Variants in EIF4B observed in about 807,000 individuals in gnomAD.
EIF4B encodes the protein eukaryotic translation initiation factor 4B.
A neutral mutation model predicts 79.3 loss-of-function variants in EIF4B; 8 were observed. The observed-to-expected ratio is 0.10, with a 90% CI of 0.06 to 0.18. The LOEUF (loss-of-function observed/expected upper bound fraction) is 0.18, where lower values mean the gene tolerates loss of function less well. Ranked by LOEUF, EIF4B falls within the 10% of genes least tolerant of loss-of-function variation. The probability of loss-of-function intolerance (pLI) is 1.00; values close to 1 mark genes in which losing one functional copy is unlikely to be tolerated. For missense variants in EIF4B, 515 were observed against 792.4 expected, an observed-to-expected ratio of 0.65 and a Z score of 4.20; for synonymous variants, 238 against 274.7, an observed-to-expected ratio of 0.87 and a Z score of 1.32.
chr12:53,017,114 G>T (rs890097666), intron 2 of EIF4B, among the ~76,000 whole-genome samples: 2 of 152,086 alleles, frequency 1.3e-5, no homozygotes, highest in African/African-American at 2.4e-5. Context: ...TTAGCTGGGC[G>T]TGGTGGCATG....
intron 2 of EIF4B, among the ~76,000 whole-genome samples, chr12:53,017,540 C>G (rs1328569267): frequency 1.3e-5 from 2 of 151,964 alleles, no homozygotes; most frequent in African/African-American, 4.8e-5. Context: ...TCCTGAAAAT[C>G]GTTTATTGCA....
rs1243404581 is a variant in EIF4B, at chr12:53,041,831, C to T, written c.*1608C>T. 1 of 94,362 alleles carries T rather than the reference C, an allele frequency of 1.1e-5. No homozygotes were observed. The highest frequency in any genetic ancestry group is 3.7e-5 in the Non-Finnish European group (1 of 27,170). The allele number at this position is 94,362 out of a possible 1,614,324, so 5.8% of individuals were successfully genotyped here. ...ATTTAAATAATTGGTGTGGATTGGC[C>T]AGTAGCTAAGAAGTGGGCTTTTAAA... On this transcript the variant is annotated 3_prime_UTR_variant, in exon 15 of 15. Transcript: ENST00000262056.
chr12:53,007,192 T>G (rs1015611093), intron 1 of EIF4B, among the ~76,000 whole-genome samples: 18 of 152,128 alleles, frequency 1.2e-4, no homozygotes, highest in African/African-American at 4.3e-4. Flanking sequence ...GTGTGTGTGT[T>G]AGCCTTGGAG....
intron 3 of EIF4B, among the ~76,000 whole-genome samples, chr12:53,019,450 CTTTT>C (rs71095966): frequency 3.0e-5 from 2 of 65,998 alleles, no homozygotes; most frequent in Admixed American, 2.1e-4. Context: ...TTTTTTTTTT[CTTTT>C]TTTTTTTTTT....
intron 8 of EIF4B, among the ~76,000 whole-genome samples, chr12:53,032,782 C>G (rs4919720): frequency 6.6e-6 from 1 of 150,742 alleles, no homozygotes; most frequent in Non-Finnish European, 1.5e-5. Context: ...AGCGATTCTC[C>G]TGCCTCAGTC....
chr12:53,040,090 TTGATG>T (rs1400040217), intron 14 of EIF4B, 48 bp from the exon 15 acceptor site: 1 of 1,601,598 alleles, frequency 6.2e-7, no homozygotes, highest in Admixed American at 1.7e-5. Context: ...GTCTTGGGTT[TTGATG>T]TGATAATTCA....
rs368180710 is a variant in EIF4B, at chr12:53,028,834, G to A, written c.979+646G>A. Among the ~76,000 whole-genome samples, 22 of 152,146 alleles carry A rather than the reference G, an allele frequency of 1.4e-4. 1 individual carries two copies. The highest frequency in any genetic ancestry group is 7.7e-4 in the East Asian group (4 of 5,164). ...TAATTGGTACTATGGGGTTAAAAAC[G>A]AAGCATTAAGGCCAGGTGCAGTGGC... On this transcript the variant is annotated intron_variant, in intron 8 of 14. Coordinates refer to ENST00000262056, the MANE Select transcript of EIF4B (RefSeq NM_001417.7).
At position 53,016,444 on chromosome 12, in the gene EIF4B, A is replaced by G. The variant is rs755745966; in HGVS notation, c.14-29A>G. The G allele has an allele frequency of 9.3e-6, 15 of 1,611,640 alleles. No homozygotes were observed. In the Admixed American group the frequency reaches 2.3e-4, roughly 25 times the overall value. ...CTCTGTAAATACCTGAGTATTGGTG[A>G]ATAATCTTTCTCTTGCCTTTTAAAA... is the stretch of plus-strand genomic sequence containing the variant. On this transcript the variant is annotated intron_variant, in intron 1 of 14. Coordinates refer to ENST00000262056, the MANE Select transcript of EIF4B (RefSeq NM_001417.7).
At chr12:53,008,225 A>G (rs753261638) in intron 1 of EIF4B, among the ~76,000 whole-genome samples, 2 of 152,230 alleles carry the variant, frequency 1.3e-5, no homozygotes, top group Non-Finnish European at 2.9e-5. Context: ...TAGGACAGCA[A>G]TTCATGTCCT....
chr12:53,031,717 T>A (rs1943449822), intron 8 of EIF4B, among the ~76,000 whole-genome samples: 1 of 152,162 alleles, frequency 6.6e-6, no homozygotes. Context: ...TCGTAGAAAA[T>A]TTAGATCTTG....
In EIF4B at chr12:53,027,765, T is replaced by A. The variant is rs747504898; in HGVS notation, c.668-17T>A. 3 of 1,608,796 alleles carry A rather than the reference T, an allele frequency of 1.9e-6. No individual in the cohort carries two copies. The highest frequency in any genetic ancestry group is 2.5e-6 in the Non-Finnish European group (3 of 1,176,798). On this transcript the variant is annotated splice_polypyrimidine_tract_variant and intron_variant, in intron 6 of 14. Coordinates refer to ENST00000262056, the MANE Select transcript of EIF4B (RefSeq NM_001417.7). ...GTCAGAGAAAAGGGGATGGTGTTACTTGTCTGTTTCCTCTAGAGTATCGAG... is the reference window on the plus strand; with the variant it reads ...GTCAGAGAAAAGGGGATGGTGTTACATGTCTGTTTCCTCTAGAGTATCGAG...
chr12:53,034,170 G>A (rs1943496454), intron 9 of EIF4B, 136 bp downstream of exon 9: 3 of 839,506 alleles, frequency 3.6e-6, no homozygotes, highest in African/African-American at 1.7e-5. Flanking sequence ...AGTGGGCTGT[G>A]GCCAGGGGTG....
chr12:53,009,380 G>A (rs557744718), intron 1 of EIF4B, among the ~76,000 whole-genome samples: 5 of 151,644 alleles, frequency 3.3e-5, no homozygotes, highest in African/African-American at 9.7e-5. Context: ...AAAAATTAGC[G>A]GGGTTTTGGG....
At chr12:53,038,091 A>G (rs1172570609) in intron 11 of EIF4B, 5 of 282,864 alleles carry the variant, frequency 1.8e-5, no homozygotes, top group Non-Finnish European at 2.7e-5. Context: ...ATTGCACTCC[A>G]GCCTGGGCGA....
At chr12:53,019,438 T>TA (rs199930510) in intron 3 of EIF4B, among the ~76,000 whole-genome samples, 2,299 of 22,538 alleles carry the variant, frequency 0.1, 44 homozygotes, top group African/African-American at 0.19. Context: ...TATATATATA[T>TA]TTTTTTTTTT....
At chr12:53,006,825 CCGTGCCCG>C (rs919705150) in intron 1 of EIF4B, among the ~76,000 whole-genome samples, 1 of 151,908 alleles carries the variant, frequency 6.6e-6, no homozygotes, top group African/African-American at 2.4e-5. Context: ...ACGTGAATCA[CCGTGCCCG>C]CGTGAAGGCG....
intron 8 of EIF4B, among the ~76,000 whole-genome samples, chr12:53,031,268 T>G (rs777328451): frequency 3.9e-5 from 6 of 152,214 alleles, no homozygotes; most frequent in Non-Finnish European, 8.8e-5. Context: ...CTTCACTGTT[T>G]GCCCAGCCTT....
chr12:53,010,646 GTTTGTT>G (rs1436173011), intron 1 of EIF4B, among the ~76,000 whole-genome samples: 5 of 152,048 alleles, frequency 3.3e-5, no homozygotes, highest in Non-Finnish European at 2.9e-5. Flanking sequence ...CTTTTGTTTT[GTTTGTT>G]TTTGTTTTTG....
chr12:53,029,409 G>A (rs1388507668), intron 8 of EIF4B, among the ~76,000 whole-genome samples: 1 of 127,784 alleles, frequency 7.8e-6, no homozygotes, highest in African/African-American at 2.8e-5. Context: ...GTCTTGCTCT[G>A]TTTGTTGCCA....
Sources: allele counts gnomAD v4.1 joint callset (sites outside exome capture counted in the v4.1 genomes callset), GRCh38; gene constraint gnomAD v4.1.1; transcripts MANE v1.5; gene names NCBI Gene and HGNC (gene_info 2026-07-23, HGNC 2026-07-21).